The following AFF3 variants were observed in gnomAD, a reference collection of about 807,000 sequenced individuals.
AFF3 encodes the protein ALF transcription elongation factor 3, also known as AF4/FMR2 family member 3.
A neutral mutation model predicts 129.7 loss-of-function variants in AFF3; 32 were observed. The ratio of observed to expected loss-of-function variants is 0.25; its 90% CI spans 0.19 to 0.33. AFF3 has a LOEUF of 0.33. Ranked by LOEUF, AFF3 falls within the 10% of genes least tolerant of loss-of-function variation. The pLI is 1.00. For synonymous variants in AFF3, 644 were observed against 635.4 expected, an observed-to-expected ratio of 1.01 and a Z score of -0.20; for missense variants, 1,373 against 1,592.0, an observed-to-expected ratio of 0.86 and a Z score of 2.34.
chr2:100,093,540 G>A (rs1690040757), intron 4 of AFF3, among the ~76,000 whole-genome samples: 1 of 152,146 alleles, frequency 6.6e-6, no homozygotes, highest in African/African-American at 2.4e-5. Flanking sequence ...ATTTTCTCAG[G>A]TGTTCCATTC....
At chr2:99,735,578 C>T (rs370737796) in intron 10 of AFF3, among the ~76,000 whole-genome samples, 17 of 150,864 alleles carry the variant, frequency 1.1e-4, no homozygotes, top group East Asian at 2.0e-4. Context: ...CAGCAACCTC[C>T]GCCTCCCAGG....
intron 11 of AFF3, among the ~76,000 whole-genome samples, chr2:99,684,865 A>C (rs2104589392): frequency 6.6e-6 from 1 of 152,224 alleles, no homozygotes; most frequent in Middle Eastern, 3.4e-3. Flanking sequence ...AAATGAATCC[A>C]GGTGGTTTGA....
intron 4 of AFF3, among the ~76,000 whole-genome samples, chr2:100,103,338 A>G (rs1409322708): frequency 6.6e-6 from 1 of 151,952 alleles, no homozygotes; most frequent in Non-Finnish European, 1.5e-5. Context: ...AAAAAAAAAA[A>G]GCTCAGCTCT....
intron 11 of AFF3, chr2:99,707,470 C>T (rs1397528013): frequency 1.2e-5 from 12 of 985,192 alleles, no homozygotes; most frequent in Non-Finnish European, 1.4e-5. Flanking sequence ...GGCAAACAAA[C>T]AAAAGGTTAT....
intron 24 of AFF3, among the ~76,000 whole-genome samples, chr2:99,552,773 G>C (rs1674524867): frequency 6.6e-6 from 1 of 152,152 alleles, no homozygotes; most frequent in African/African-American, 2.4e-5. Context: ...CCTCTGGTAG[G>C]AGACATCTAG....
At chr2:99,937,688 C>T (rs565493085) in intron 7 of AFF3, among the ~76,000 whole-genome samples, 31 of 152,270 alleles carry the variant, frequency 2.0e-4, no homozygotes, top group South Asian at 2.1e-4. Context: ...TAAGCCACCG[C>T]GCCCGGCCCT....
At chr2:99,758,969 T>C (rs748537147) in intron 8 of AFF3, among the ~76,000 whole-genome samples, 1 of 152,190 alleles carries the variant, frequency 6.6e-6, no homozygotes, top group Non-Finnish European at 1.5e-5. Flanking sequence ...GCTCTACAAA[T>C]ACTCTACCTA....
intron 8 of AFF3, among the ~76,000 whole-genome samples, chr2:99,800,325 A>G (rs954466705): frequency 6.6e-6 from 1 of 152,210 alleles, no homozygotes; most frequent in African/African-American, 2.4e-5. Context: ...AAGATGCTCA[A>G]TACAACCAAT....
At chr2:99,871,015 C>A (rs1691833320) in intron 7 of AFF3, among the ~76,000 whole-genome samples, 1 of 152,096 alleles carries the variant, frequency 6.6e-6, no homozygotes, top group South Asian at 2.1e-4. Context: ...CCAAAATGCT[C>A]CAAAATCTGA....
chr2:99,657,520 A>G (rs1004599271), intron 12 of AFF3, among the ~76,000 whole-genome samples: 1 of 152,210 alleles, frequency 6.6e-6, no homozygotes, highest in African/African-American at 2.4e-5. Context: ...CTCTCAACCC[A>G]TAACACTTAC....
At chr2:100,032,409 A>T (rs1284256795) in intron 4 of AFF3, among the ~76,000 whole-genome samples, 1 of 149,512 alleles carries the variant, frequency 6.7e-6, no homozygotes, top group African/African-American at 2.5e-5. Context: ...AGCCTGGGCA[A>T]CAGAGTGAGA....
Position 99,975,362 on chromosome 2 carries a change from G to A in AFF3, c.873+31270C>T, listed in dbSNP as rs958368047. Among the ~76,000 whole-genome samples the A allele has an allele frequency of 4.8e-4, 73 of 152,118 alleles. 1 individual carries two copies. The highest frequency in any genetic ancestry group is 1.7e-3 in the African/African-American group (72 of 41,402). ...TCAAAATTATCTAACTATCTAGACT[G>A]AACAATTTTACTTGGAAAGGATATA... is the stretch of plus-strand genomic sequence containing the variant. On this transcript the variant is annotated intron_variant, in intron 7 of 24. Coordinates refer to ENST00000672756, the MANE Select transcript of AFF3 (RefSeq NM_001386135.1).
At chr2:99,922,460 A>C (rs1363211519) in intron 7 of AFF3, among the ~76,000 whole-genome samples, 3 of 152,242 alleles carry the variant, frequency 2.0e-5, no homozygotes, top group Non-Finnish European at 4.4e-5. Context: ...GGATAAAAAG[A>C]AGCCAGAAAC....
intron 7 of AFF3, among the ~76,000 whole-genome samples, chr2:99,843,272 A>G (rs531980687): frequency 1.3e-5 from 2 of 152,320 alleles, no homozygotes; most frequent in African/African-American, 4.8e-5. Flanking sequence ...GCAGACAGCC[A>G]GTTCTCTCCC....
At chr2:99,824,140 A>G (rs1687901410) in intron 8 of AFF3, among the ~76,000 whole-genome samples, 1 of 150,980 alleles carries the variant, frequency 6.6e-6, no homozygotes, top group South Asian at 2.1e-4. Flanking sequence ...TTTGAGATGG[A>G]GTTTCACTCT....
chr2:99,797,773 A>G (rs1382847311), intron 8 of AFF3, among the ~76,000 whole-genome samples: 4 of 152,124 alleles, frequency 2.6e-5, no homozygotes, highest in Non-Finnish European at 5.9e-5. Context: ...CAAAACATGG[A>G]AAGAAAATAA....
chr2:99,914,152 T>A (rs1313937877), intron 7 of AFF3, among the ~76,000 whole-genome samples: 1 of 152,166 alleles, frequency 6.6e-6, no homozygotes, highest in Non-Finnish European at 1.5e-5. Flanking sequence ...AGTGATGGCA[T>A]TCACATCACC....
At chr2:99,677,433 T>G (rs1396563279) in intron 11 of AFF3, among the ~76,000 whole-genome samples, 1 of 152,210 alleles carries the variant, frequency 6.6e-6, no homozygotes, top group African/African-American at 2.4e-5. Flanking sequence ...TGTGACACTT[T>G]AAGGACAGAA....
chr2:100,059,254 CAAAAAAAAAAAA>C lies in AFF3; in HGVS notation c.53+45136_53+45147del, dbSNP rs59005550. Among the ~76,000 whole-genome samples, 7 of 31,020 alleles carry C rather than the reference CAAAAAAAAAAAA, an allele frequency of 2.3e-4. 1 individual carries two copies. The East Asian group carries it at 6.0e-3, about 26-fold the overall frequency. 20.4% of individuals were successfully genotyped at this position (31,020 alleles called of 152,430 possible). A position where few individuals can be genotyped will look rare whatever the true frequency, so the allele number is the denominator to read the frequency against. ...GGCAACAGAAGTGAGACTCTGTCTC[CAAAAAAAAAAAA>C]AAAAAAAAAAAAAGCAATGGATCTC... On this transcript the variant is annotated intron_variant, in intron 4 of 24. Transcript: ENST00000672756.
Sources: allele counts gnomAD v4.1 joint callset (sites outside exome capture counted in the v4.1 genomes callset), GRCh38; gene constraint gnomAD v4.1.1; transcripts MANE v1.5; gene names NCBI Gene and HGNC (gene_info 2026-07-23, HGNC 2026-07-21).